SACS: variants seen among roughly 807,000 people sequenced by gnomAD.
SACS encodes sacsin.
SACS carries 197 observed loss-of-function variants against 348.0 expected under a neutral mutation model. The observed-to-expected ratio is 0.57, with a 90% confidence interval of 0.50 to 0.64. The LOEUF is 0.64. SACS is among the 30% of genes least tolerant of loss of function. The pLI is 0.00. For synonymous variants in SACS, 1,985 were observed against 1,910.6 expected, an observed-to-expected ratio of 1.04 and a Z score of -1.02; for missense variants, 4,999 against 5,360.8, an observed-to-expected ratio of 0.93 and a Z score of 2.11.
rs766836201 is a variant in SACS at position 23,339,479 on chromosome 13, T to C, written c.4397A>G (p.Asn1466Ser). The C allele has an allele frequency of 1.2e-6, 2 of 1,606,320 alleles. No individual in the cohort carries two copies. The highest frequency in any genetic ancestry group is 1.1e-5 in the South Asian group (1 of 89,406). ...CACTGAAGGGTATTCTTCCAGAATA[T>C]TTTTAATTCTTACAGTAAGTGGCTC... ...QREPLTVRIK[N>S]ILEEYPSVSD... Residue 1466 changes from asparagine to serine, a missense_variant, in exon 10 of 10, where the codon AAT (asparagine) becomes AGT (serine). Asn to Ser is a conservative substitution (Grantham distance 46). Around this residue, in one of 6 missense-constraint regions of SACS, gnomAD observed 3,156 missense variants for 3,380.1 expected, o/e 0.93. Transcript: ENST00000382292.
chr13:23,346,694 GA>G (rs1052380243), intron 9 of SACS: 3 of 263,086 alleles, frequency 1.1e-5, no homozygotes, highest in Non-Finnish European at 1.8e-5. Flanking sequence ...ATTACCACCA[GA>G]AAAAAAATTG....
chr13:23,409,055 T>C (rs1445956992), intron 2 of SACS, among the ~76,000 whole-genome samples: 1 of 77,568 alleles, frequency 1.3e-5, no homozygotes, highest in Non-Finnish European at 2.7e-5. Flanking sequence ...TTTTTTTTTT[T>C]TTTTTTTTTT....
chr13:23,335,553 A>C lies in SACS; in HGVS notation c.8323T>G (p.Leu2775Val), dbSNP rs1868501939. 9.3e-6 allele frequency: 15 copies of C among 1,613,666 alleles called. No homozygotes were observed. Among genetic ancestry groups the C allele is most frequent in the Non-Finnish European group, 1.2e-5 (14 of 1,179,870 alleles). The change falls in exon 10 of 10, where the codon TTG becomes GTG. Residue 2775 changes from leucine (L) to valine (V), a missense_variant. By Grantham distance (32) the Leu-to-Val change is conservative. Coordinates refer to ENST00000382292, the MANE Select transcript of SACS (RefSeq NM_014363.6). The surrounding 1 kb of genome is among the most constrained non-coding windows in gnomAD (Gnocchi z 4.7). ...GATGCATGAAATTGTTTCCTTTTCA[A>C]TCTGTCTCCATCTGTGATTTTGCCC... ...VKGKITDGDRLKRKQFHASVI... is the reference protein window; with the variant it reads ...VKGKITDGDRVKRKQFHASVI...
At chr13:23,399,708 T>C (rs527298783) in intron 2 of SACS, among the ~76,000 whole-genome samples, 9 of 152,166 alleles carry the variant, frequency 5.9e-5, no homozygotes, top group African/African-American at 2.2e-4. Flanking sequence ...TCTGCAGAAG[T>C]AAATTTGTCT....
chr13:23,331,733 G>A lies in SACS; in HGVS notation c.12143C>T (p.Ser4048Phe). Residue 4048 changes from serine to phenylalanine, a missense_variant, in exon 10 of 10, where the codon TCC (serine) becomes TTC (phenylalanine). Around this residue, in one of 6 missense-constraint regions of SACS, gnomAD observed 831 missense variants for 941.8 expected, o/e 0.88. Coordinates refer to ENST00000382292, the MANE Select transcript of SACS (RefSeq NM_014363.6). ...CKALREGLKVSCFEKLQTTLR... is the reference protein window; with the variant it reads ...CKALREGLKVFCFEKLQTTLR... ...TGTTGTTTGAAGCTTTTCAAAGCAG[G>A]ATACTTTCAATCCTTCTCTTAGGGC... is the stretch of plus-strand genomic sequence containing the variant. 1 of 1,613,956 alleles carries A rather than the reference G, an allele frequency of 6.2e-7. No homozygotes were observed. The highest frequency in any genetic ancestry group is 8.5e-7 in the Non-Finnish European group (1 of 1,179,948).
At position 23,334,318 on chromosome 13, in the gene SACS, G is replaced by A. The variant is rs1883689102; in HGVS notation, c.9558C>T (p.Asp3186=). The A allele has an allele frequency of 1.2e-6, 2 of 1,610,044 alleles. No homozygotes were observed. The highest frequency in any genetic ancestry group is 1.7e-4 in the Middle Eastern group (1 of 6,024). Residue 3186 remains aspartate, a synonymous_variant, in exon 10 of 10, where the codon GAC becomes GAT. Transcript: ENST00000382292. ...TYHELIPSRK[D]LFMNTLYLKY... ...TCAAATATAATGTATTCATAAACAAGTCTTTGCGGGATGGAATCAATTCAT... is the reference window on the plus strand; with the variant it reads ...TCAAATATAATGTATTCATAAACAAATCTTTGCGGGATGGAATCAATTCAT...
In SACS at chr13:23,408,589, G is replaced by T. The variant is rs530810975; in HGVS notation, c.20+2631C>A. Among the ~76,000 whole-genome samples, 7 of 152,286 alleles carry T rather than the reference G, an allele frequency of 4.6e-5. No homozygotes were observed. The East Asian group carries it at 1.4e-3, about 29-fold the overall frequency. ...TGAGAAGGCCCTGTGTGTTAATGCT[G>T]TGACTCTGAGCATGCCCCCACCACC... On this transcript the variant is annotated intron_variant, in intron 2 of 9. Transcript: ENST00000382292.
At chr13:23,372,088 G>C (rs1403649864) in intron 3 of SACS, among the ~76,000 whole-genome samples, 2 of 152,186 alleles carry the variant, frequency 1.3e-5, no homozygotes, top group Non-Finnish European at 2.9e-5. Context: ...AATTTGAGTT[G>C]TTTCTAAATT....
At position 23,348,109 on chromosome 13, in the gene SACS, A is replaced by G. The variant is rs538160847; in HGVS notation, c.2185+5676T>C. Among the ~76,000 whole-genome samples the G allele has an allele frequency of 6.6e-5, 10 of 152,288 alleles. No homozygotes were observed. The South Asian group carries it at 1.7e-3, about 25-fold the overall frequency. On this transcript the variant is annotated intron_variant, in intron 9 of 9. Coordinates refer to ENST00000382292, the MANE Select transcript of SACS (RefSeq NM_014363.6). ...CCAAAATCCATTTACCTGCTCTTCT[A>G]ACTATTCTCCAATTTCTGATATCCA...
chr13:23,369,993 G>A (rs773756570), intron 4 of SACS, among the ~76,000 whole-genome samples: 1 of 151,882 alleles, frequency 6.6e-6, no homozygotes, highest in Non-Finnish European at 1.5e-5. Flanking sequence ...CAAGTGGCTG[G>A]GAGTACAGGT....
intron 2 of SACS, among the ~76,000 whole-genome samples, chr13:23,392,286 T>G (rs944319587): frequency 1.3e-5 from 2 of 152,164 alleles, no homozygotes; most frequent in Non-Finnish European, 2.9e-5. Context: ...TATGGCATAC[T>G]TGGACATATG....
chr13:23,408,103 A>G (rs530883147), intron 2 of SACS, among the ~76,000 whole-genome samples: 1 of 152,224 alleles, frequency 6.6e-6, no homozygotes, highest in South Asian at 2.1e-4. Flanking sequence ...TACTATTTTA[A>G]TAGGTGTCAG....
chr13:23,338,127 T>C lies in SACS; in HGVS notation c.5749A>G (p.Ile1917Val). The C allele has an allele frequency of 9.3e-6, 15 of 1,614,182 alleles. No individual in the cohort carries two copies. The highest frequency in any genetic ancestry group is 1.3e-5 in the Non-Finnish European group (15 of 1,179,992). ...AGTACCTGTAAGTAAGCTTTCACAA[T>C]AACATGTCTCATGAACGTGGTATTC... ...RWNTTFMRHV[I>V]VKAYLQVLSV... The change falls in exon 10 of 10, where the codon ATT (isoleucine) becomes GTT (valine). Residue 1917 changes from isoleucine (I) to valine (V), a missense_variant. Coordinates refer to ENST00000382292, the MANE Select transcript of SACS (RefSeq NM_014363.6).
chr13:23,345,611 A>G (rs1869546966), intron 9 of SACS, among the ~76,000 whole-genome samples: 1 of 152,222 alleles, frequency 6.6e-6, no homozygotes, highest in Non-Finnish European at 1.5e-5. Context: ...TTGATTTGAT[A>G]CCACCTTAAA....
chr13:23,418,680 A>AT (rs1873785020), intron 1 of SACS, among the ~76,000 whole-genome samples: 1 of 152,026 alleles, frequency 6.6e-6, no homozygotes, highest in Non-Finnish European at 1.5e-5. Flanking sequence ...TAATTTTTGT[A>AT]TTTTTAGTAG....
At chr13:23,432,641 CAAAT>C (rs1432130018) in intron 1 of SACS, among the ~76,000 whole-genome samples, 4 of 152,104 alleles carry the variant, frequency 2.6e-5, no homozygotes, top group Non-Finnish European at 4.4e-5. Context: ...TGTCATGTGA[CAAAT>C]AAAATGGGAT....
In SACS at chr13:23,329,760, T is replaced by C; in HGVS notation, c.*376A>G. The C allele has an allele frequency of 2.1e-6, 1 of 485,506 alleles. No homozygotes were observed. The highest frequency in any genetic ancestry group is 3.6e-6 in the Non-Finnish European group (1 of 276,788). The allele number at this position is 485,506 out of a possible 1,614,324, so 30.1% of individuals were successfully genotyped here. ...TTTAAACCAATTATATGTCCAGTGT[T>C]TCATTAGCTCCTTCAAAAATACCAT... On this transcript the variant is annotated 3_prime_UTR_variant, in exon 10 of 10. Transcript: ENST00000382292.
rs189572768 is a variant in SACS, at chr13:23,413,918, C to A, written c.-501-2178G>T. On this transcript the variant is annotated intron_variant, in intron 1 of 9. Transcript: ENST00000382292. ...TGGAAACCTTTTGTATGATAATAGA[C>A]TTAAAATTGGACTCCAGTTTGAAAT... 2.2e-4 allele frequency among the ~76,000 whole-genome samples: 33 copies of A among 152,242 alleles called. No homozygotes were observed. In the South Asian group the frequency reaches 2.3e-3, roughly 11 times the overall value.
In SACS at chr13:23,339,278, G is replaced by A; in HGVS notation, c.4598C>T (p.Ser1533Leu). 1 of 1,604,628 alleles carries A rather than the reference G, an allele frequency of 6.2e-7. No homozygotes were observed. Among genetic ancestry groups the A allele is most frequent in the Non-Finnish European group, 8.5e-7 (1 of 1,176,296 alleles). Reference protein sequence around the residue: ...WSFNNSQFSDSDFVNITRLGE... With the variant: ...WSFNNSQFSDLDFVNITRLGE... ...TAACCTAGTTATGTTCACAAAATCT[G>A]AATCTGAGAATTGAGAATTGTTGAA... Residue 1533 changes from serine to leucine, a missense_variant, in exon 10 of 10, where the codon TCA becomes TTA. By Grantham distance (145) the Ser-to-Leu change is moderately radical (BLOSUM62 -2). Coordinates refer to ENST00000382292, the MANE Select transcript of SACS (RefSeq NM_014363.6).
Sources: gnomAD v4.1 joint callset for allele counts (sites outside exome capture counted in the v4.1 genomes callset) on GRCh38, gnomAD v4.1.1 for gene constraint, gnomAD v4.1.1 regional missense constraint, Gnocchi (gnomAD v3.1) non-coding constraint, MANE v1.5 for transcripts, NCBI Gene and HGNC (gene_info 2026-07-23, HGNC 2026-07-21) for gene names.